SERPINB10: variants seen among roughly 807,000 people sequenced by gnomAD.
The protein encoded by SERPINB10 is serpin family B member 10.
In SERPINB10, 35 loss-of-function variants were observed where a neutral mutation model predicts 39.1. The observed-to-expected ratio is 0.90, with a 90% confidence interval of 0.68 to 1.19. The LOEUF (loss-of-function observed/expected upper bound fraction) is 1.19, where lower values mean the gene tolerates loss of function less well. SERPINB10 is among the 50% of genes most tolerant of loss of function. The pLI is 0.00. For synonymous variants in SERPINB10, 190 were observed against 158.1 expected (o/e 1.20, Z -1.52); for missense variants, 546 against 460.5 (o/e 1.19, Z -1.70).
intron 4 of SERPINB10, among the ~76,000 whole-genome samples, chr18:63,919,563 C>T (rs2050131030): frequency 1.3e-5 from 2 of 151,918 alleles, no homozygotes; most frequent in Non-Finnish European, 2.9e-5. Context: ...ATCCGTACTT[C>T]CTTCCACAGC....
chr18:63,918,136 A>G lies in SERPINB10; in HGVS notation c.372+34A>G. 3 of 1,607,938 alleles carry G rather than the reference A, an allele frequency of 1.9e-6. No homozygotes were observed. In the South Asian group the frequency reaches 3.3e-5, roughly 18 times the overall value. ...AAATGTCTTATTTTAAGCTAATGGA[A>G]AAGAAAGAGCAATGTGAGACCAATC... On this transcript the variant is annotated intron_variant, in intron 4 of 7. Coordinates refer to ENST00000238508, the MANE Select transcript of SERPINB10 (RefSeq NM_005024.3).
chr18:63,910,784 C>T (rs2050059014), intron 1 of SERPINB10, among the ~76,000 whole-genome samples: 1 of 151,472 alleles, frequency 6.6e-6, no homozygotes, highest in East Asian at 2.0e-4. Flanking sequence ...GTGTGTGTCT[C>T]TTTGGTAGAA....
intron 4 of SERPINB10, among the ~76,000 whole-genome samples, chr18:63,918,460 A>G (rs1350854221): frequency 2.0e-5 from 3 of 152,036 alleles, no homozygotes; most frequent in African/African-American, 7.2e-5. Context: ...CTTTGGGAAC[A>G]TGAAACATGA....
intron 1 of SERPINB10, among the ~76,000 whole-genome samples, chr18:63,908,292 C>A (rs1218803552): frequency 6.6e-6 from 1 of 151,992 alleles, no homozygotes; most frequent in African/African-American, 2.4e-5. Context: ...AATTGTTTTT[C>A]TAGGAATTGT....
chr18:63,921,760 G>A (rs572901119), intron 5 of SERPINB10, among the ~76,000 whole-genome samples: 1 of 152,006 alleles, frequency 6.6e-6, no homozygotes, highest in Admixed American at 6.6e-5. Context: ...CAATATGACT[G>A]TGGAGCCTTG....
chr18:63,930,333 T>A (rs1568249894), intron 6 of SERPINB10, 146 bp downstream of exon 6: 1 of 836,670 alleles, frequency 1.2e-6, no homozygotes, highest in East Asian at 2.6e-5. Flanking sequence ...AAGCCTTCAG[T>A]TCCATGGGGA....
chr18:63,924,454 AC>A (rs1298918295), intron 5 of SERPINB10, among the ~76,000 whole-genome samples: 1 of 151,858 alleles, frequency 6.6e-6, no homozygotes, highest in Non-Finnish European at 1.5e-5. Flanking sequence ...TAAACCAGTG[AC>A]TCTCAATCGT....
Position 63,935,296 on chromosome 18 carries a change from A to T in SERPINB10, c.*54A>T, listed in dbSNP as rs1187408442. On this transcript the variant is annotated 3_prime_UTR_variant, in exon 8 of 8. Coordinates refer to ENST00000238508, the MANE Select transcript of SERPINB10 (RefSeq NM_005024.3). The stretch of plus-strand genomic sequence containing the variant: ...CATCTTACAGTGTGAAAAATGTACC[A>T]TGAGATGGAAAAGCACAATTTTCAC... The T allele has an allele frequency of 6.0e-6, 9 of 1,488,528 alleles. No homozygotes were observed. Among genetic ancestry groups the T allele is most frequent in the Non-Finnish European group, 8.0e-6 (9 of 1,123,498 alleles). 92.2% of individuals were successfully genotyped at this position (1,488,528 alleles called of 1,614,324 possible).
intron 5 of SERPINB10, among the ~76,000 whole-genome samples, chr18:63,929,281 AT>A (rs1461243221): frequency 1.3e-5 from 2 of 152,088 alleles, no homozygotes; most frequent in African/African-American, 4.8e-5. Flanking sequence ...TATTTATTTT[AT>A]TTTTTTGTTA....
Position 63,919,827 on chromosome 18 carries a change from C to T in SERPINB10, c.412C>T (p.Pro138Ser), listed in dbSNP as rs752282023. 3.7e-6 allele frequency: 6 copies of T among 1,608,964 alleles called. No individual in the cohort carries two copies. The highest frequency in any genetic ancestry group is 5.1e-6 in the Non-Finnish European group (6 of 1,177,594). The change falls in exon 5 of 8, where the codon CCT (proline) becomes TCT (serine). Residue 138 changes from proline to serine, a missense_variant. Physicochemically the swap from Pro to Ser is moderately conservative, Grantham distance 74. Transcript: ENST00000238508. ...EDMKTYFGAE[P>S]QPVNFVEASD... is the part of the protein sequence containing the mutation. Reference sequence around the variant, plus strand: ...CATGAAAACATATTTTGGTGCAGAACCTCAGCCTGTTAACTTTGTGGAAGC... The same window carrying T: ...CATGAAAACATATTTTGGTGCAGAATCTCAGCCTGTTAACTTTGTGGAAGC...
chr18:63,930,090 C>G lies in SERPINB10; in HGVS notation c.536C>G (p.Thr179Ser), dbSNP rs1303041165. Reference protein sequence around the residue: ...LLPDDSVDSTTRMILVNALYF... With the variant: ...LLPDDSVDSTSRMILVNALYF... ...CCTGATGACTCTGTGGATTCCACAA[C>G]CAGGATGATTCTGGTGAACGCCCTA... Residue 179 changes from threonine to serine, a missense_variant, in exon 6 of 8, where the codon ACC (threonine) becomes AGC (serine). By Grantham distance (58) the Thr-to-Ser change is moderately conservative. Transcript: ENST00000238508. 2 of 1,613,468 alleles carry G rather than the reference C, an allele frequency of 1.2e-6. No homozygotes were observed. Among genetic ancestry groups the G allele is most frequent in the Non-Finnish European group, 1.7e-6 (2 of 1,179,642 alleles).
chr18:63,917,960 TA>T lies in SERPINB10; in HGVS notation c.235-2del, dbSNP rs1231747305. The T allele has an allele frequency of 6.2e-7, 1 of 1,610,340 alleles. No homozygotes were observed. The highest frequency in any genetic ancestry group is 8.5e-7 in the Non-Finnish European group (1 of 1,177,446). ...TTTATTTGACTAGTTCCTTCTCTTT[TA>T]AAGGAATTCAACTTGAGCAACTCGG... On this transcript the variant is annotated splice_region_variant and splice_polypyrimidine_tract_variant and intron_variant, in intron 3 of 7. Coordinates refer to ENST00000238508, the MANE Select transcript of SERPINB10 (RefSeq NM_005024.3).
intron 5 of SERPINB10, among the ~76,000 whole-genome samples, chr18:63,926,835 C>T (rs147052705): frequency 1.3e-5 from 2 of 152,068 alleles, no homozygotes; most frequent in African/African-American, 4.8e-5. Context: ...TGGTTTGGAT[C>T]AGTGGTGTAT....
chr18:63,916,218 T>A (rs1221102149), intron 2 of SERPINB10, among the ~76,000 whole-genome samples: 1 of 149,940 alleles, frequency 6.7e-6, no homozygotes, highest in African/African-American at 2.5e-5. Context: ...ATAAGCATCC[T>A]CAAAACATTG....
At position 63,917,528 on chromosome 18, in the gene SERPINB10, C is replaced by T. The variant is rs1364100414; in HGVS notation, c.234+7C>T. The T allele has an allele frequency of 2.7e-6, 4 of 1,474,058 alleles. No individual in the cohort carries two copies. Among genetic ancestry groups the T allele is most frequent in the Non-Finnish European group, 2.8e-6 (3 of 1,081,916 alleles). The allele number at this position is 1,474,058 out of a possible 1,614,324, so 91.3% of individuals were successfully genotyped here. ...TGAAAAAAAAAGGAAAATGGTATATCTTATCCTTTAATATATATTTCATAA... is the reference window on the plus strand; with the variant it reads ...TGAAAAAAAAAGGAAAATGGTATATTTTATCCTTTAATATATATTTCATAA... On this transcript the variant is annotated splice_region_variant and intron_variant, in intron 3 of 7. Transcript: ENST00000238508.
chr18:63,910,407 GT>G (rs1281398499), intron 1 of SERPINB10, among the ~76,000 whole-genome samples: 5 of 151,896 alleles, frequency 3.3e-5, no homozygotes, highest in African/African-American at 1.2e-4. Context: ...CATCACCTAG[GT>G]AGTGAGCATA....
At chr18:63,932,533 T>A (rs1213741015) in intron 6 of SERPINB10, among the ~76,000 whole-genome samples, 1 of 152,212 alleles carries the variant, frequency 6.6e-6, no homozygotes, top group East Asian at 1.9e-4. Flanking sequence ...TTCTTAGATC[T>A]TTTGCCCATT....
rs1246805485 is a variant in SERPINB10 at position 63,922,764 on chromosome 18, C to T, written c.490+2859C>T. Among the ~76,000 whole-genome samples, 5 of 151,936 alleles carry T rather than the reference C, an allele frequency of 3.3e-5. No individual in the cohort carries two copies. The South Asian group carries it at 6.2e-4, about 19-fold the overall frequency. On this transcript the variant is annotated intron_variant, in intron 5 of 7. Coordinates refer to ENST00000238508, the MANE Select transcript of SERPINB10 (RefSeq NM_005024.3). The stretch of plus-strand genomic sequence containing the variant: ...GAAGATCTTCCTATGATGATGGAGA[C>T]GTGCCATAAATCTGCACTGTCCAGT...
At chr18:63,913,640 G>T (rs2050080987) in intron 1 of SERPINB10, among the ~76,000 whole-genome samples, 1 of 151,934 alleles carries the variant, frequency 6.6e-6, no homozygotes, top group South Asian at 2.1e-4. Context: ...GAGTATAGTT[G>T]GTACAATTTC....
Sources: gnomAD v4.1 joint callset for allele counts (sites outside exome capture counted in the v4.1 genomes callset) on GRCh38, gnomAD v4.1.1 for gene constraint, MANE v1.5 for transcripts, NCBI Gene and HGNC (gene_info 2026-07-23, HGNC 2026-07-21) for gene names.